The following SKAP2 variants were observed in gnomAD, a reference collection of about 807,000 sequenced individuals.
SKAP2 encodes src kinase-associated phosphoprotein 2.
Under a neutral mutation model 54.9 loss-of-function variants are expected in SKAP2, and 28 were observed. The ratio of observed to expected loss-of-function variants is 0.51; its 90% CI spans 0.38 to 0.70. The LOEUF (loss-of-function observed/expected upper bound fraction) is 0.70. SKAP2 is among the 30% of genes least tolerant of loss of function. The probability of loss-of-function intolerance (pLI) is 0.00; values close to 1 mark genes in which losing one functional copy is unlikely to be tolerated. For missense variants in SKAP2, 356 were observed against 424.1 expected (o/e 0.84, Z 1.41); for synonymous variants, 137 against 134.3 (o/e 1.02, Z -0.14).
intron 4 of SKAP2, among the ~76,000 whole-genome samples, chr7:26,834,723 G>A (rs1784669871): frequency 6.6e-6 from 1 of 151,936 alleles, no homozygotes; most frequent in Admixed American, 6.6e-5. Flanking sequence ...AACCAAAAAA[G>A]GCCCAGGACC....
At chr7:26,698,959 T>C (rs1342849643) in intron 9 of SKAP2, among the ~76,000 whole-genome samples, 1 of 152,182 alleles carries the variant, frequency 6.6e-6, no homozygotes. Flanking sequence ...AATGTGGGTT[T>C]TTCTTAGGTT....
intron 9 of SKAP2, among the ~76,000 whole-genome samples, chr7:26,719,855 T>A (rs1211596550): frequency 6.6e-6 from 1 of 152,190 alleles, no homozygotes; most frequent in Non-Finnish European, 1.5e-5. Flanking sequence ...GAGCTTAGGT[T>A]ATGAATCTTT....
rs1786181656 is a variant in SKAP2 at position 26,669,331 on chromosome 7, T to C, written c.*335A>G. ...TTACAAATCACACCAGAAGTAGCAATAGTAGCATACTATGCTATAGTAGAC... is the reference window on the plus strand; with the variant it reads ...TTACAAATCACACCAGAAGTAGCAACAGTAGCATACTATGCTATAGTAGAC... On this transcript the variant is annotated 3_prime_UTR_variant, in exon 13 of 13. Coordinates refer to ENST00000345317, the MANE Select transcript of SKAP2 (RefSeq NM_003930.5). 1 of 152,156 alleles carries C rather than the reference T, an allele frequency of 6.6e-6. No individual in the cohort carries two copies. The highest frequency in any genetic ancestry group is 2.1e-4 in the South Asian group (1 of 4,832). The allele number at this position is 152,156 out of a possible 1,614,324, so 9.4% of individuals were successfully genotyped here. A position where few individuals can be genotyped will look rare whatever the true frequency, so the allele number is the denominator to read the frequency against.
At chr7:26,655,055 T>C in the SKAP2 span, among the ~76,000 whole-genome samples, 14 of 152,310 alleles carry the variant, frequency 9.2e-5, no homozygotes, top group African/African-American at 3.4e-4. Context: ...GTTGAAATCC[T>C]GTGCCTACTA....
intron 6 of SKAP2, among the ~76,000 whole-genome samples, chr7:26,735,147 T>C (rs1203940623): frequency 6.6e-6 from 1 of 152,118 alleles, no homozygotes; most frequent in Non-Finnish European, 1.5e-5. Flanking sequence ...AAACCCAAAC[T>C]GTGAGCACCT....
chr7:26,703,705 T>C (rs1272841564), intron 9 of SKAP2, among the ~76,000 whole-genome samples: 3 of 152,252 alleles, frequency 2.0e-5, no homozygotes, highest in East Asian at 1.9e-4. Context: ...CAAATCTGCA[T>C]AGCAGATTTG....
At chr7:26,809,579 C>G (rs1438285387) in intron 4 of SKAP2, among the ~76,000 whole-genome samples, 1 of 152,174 alleles carries the variant, frequency 6.6e-6, no homozygotes, top group African/African-American at 2.4e-5. Context: ...GTCAGAACAG[C>G]TATTATCAAA....
intron 4 of SKAP2, among the ~76,000 whole-genome samples, chr7:26,836,413 A>T (rs935192866): frequency 6.6e-6 from 1 of 152,218 alleles, no homozygotes; most frequent in African/African-American, 2.4e-5. Flanking sequence ...GGCAACCTAC[A>T]GAATGGGAGA....
intron 4 of SKAP2, among the ~76,000 whole-genome samples, chr7:26,774,526 T>A (rs1251041073): frequency 2.0e-5 from 3 of 151,566 alleles, no homozygotes; most frequent in Admixed American, 2.0e-4. Flanking sequence ...TGTATGTATA[T>A]ATATATATAC....
At chr7:26,686,165 CA>C (rs199860791) in intron 10 of SKAP2, among the ~76,000 whole-genome samples, 2 of 150,068 alleles carry the variant, frequency 1.3e-5, no homozygotes, top group Non-Finnish European at 1.5e-5. Context: ...ATTTTAAAGC[CA>C]AAAAAAAGAG....
At chr7:26,710,927 A>G (rs1787286875) in intron 9 of SKAP2, among the ~76,000 whole-genome samples, 1 of 152,204 alleles carries the variant, frequency 6.6e-6, no homozygotes, top group Non-Finnish European at 1.5e-5. Context: ...GGATAATGAT[A>G]TTATAATACT....
At chr7:26,780,829 C>G in intron 4 of SKAP2, among the ~76,000 whole-genome samples, 1 of 152,026 alleles carries the variant, frequency 6.6e-6, no homozygotes, top group East Asian at 1.9e-4. Context: ...ATGTCTAATT[C>G]ATGGGCCCAA....
intron 8 of SKAP2, 125 bp from the exon 9 acceptor site, chr7:26,725,690 T>C: frequency 9.8e-7 from 1 of 1,016,008 alleles, no homozygotes; most frequent in East Asian, 2.6e-5. Context: ...TGTCCTTAAC[T>C]AAAAACATGT....
chr7:26,669,422 A>G lies in SKAP2; in HGVS notation c.*244T>C, dbSNP rs1786183222. On this transcript the variant is annotated 3_prime_UTR_variant, in exon 13 of 13. Coordinates refer to ENST00000345317, the MANE Select transcript of SKAP2 (RefSeq NM_003930.5). Reference sequence around the variant, plus strand: ...ATCAAATGGGTAAATAAAAACTATAATTATTTCTTTGCAAAATAGCAACAG... The same window carrying G: ...ATCAAATGGGTAAATAAAAACTATAGTTATTTCTTTGCAAAATAGCAACAG... 6.6e-6 allele frequency: 1 copy of G among 152,188 alleles called. No individual in the cohort carries two copies. The highest frequency in any genetic ancestry group is 6.5e-5 in the Admixed American group (1 of 15,276). 9.4% of individuals were successfully genotyped at this position (152,188 alleles called of 1,614,324 possible). A position where few individuals can be genotyped will look rare whatever the true frequency, so the allele number is the denominator to read the frequency against.
At chr7:26,722,147 C>T (rs1432950696) in intron 9 of SKAP2, among the ~76,000 whole-genome samples, 1 of 152,146 alleles carries the variant, frequency 6.6e-6, no homozygotes, top group Non-Finnish European at 1.5e-5. Flanking sequence ...CTTTAATACT[C>T]CCCAGAAATG....
intron 10 of SKAP2, among the ~76,000 whole-genome samples, chr7:26,687,404 T>A (rs1362669474): frequency 6.6e-6 from 1 of 152,002 alleles, no homozygotes; most frequent in Non-Finnish European, 1.5e-5. Context: ...CAACCTCATT[T>A]TTGTGTCCCG....
At chr7:26,736,740 G>T (rs1448286626) in intron 6 of SKAP2, among the ~76,000 whole-genome samples, 2 of 151,990 alleles carry the variant, frequency 1.3e-5, no homozygotes, top group African/African-American at 4.8e-5. Flanking sequence ...GGGCTAAATG[G>T]ATCACAAAGT....
the SKAP2 span, among the ~76,000 whole-genome samples, chr7:26,661,287 G>A: frequency 3.3e-5 from 5 of 152,114 alleles, no homozygotes; most frequent in East Asian, 7.7e-4. Flanking sequence ...ATATTACAAG[G>A]CTAATTAGAG....
chr7:26,664,948 GTTCCT>G (rs1317553326), downstream of SKAP2, among the ~76,000 whole-genome samples: 2 of 152,080 alleles, frequency 1.3e-5, no homozygotes, highest in Non-Finnish European at 2.9e-5. Flanking sequence ...TGCATTTACA[GTTCCT>G]TTCATTTTGG....
Sources: gnomAD v4.1 joint callset for allele counts (sites outside exome capture counted in the v4.1 genomes callset) on GRCh38, gnomAD v4.1.1 for gene constraint, MANE v1.5 for transcripts, NCBI Gene and HGNC (gene_info 2026-07-23, HGNC 2026-07-21) for gene names.